Variants in EXO1 observed in about 807,000 individuals in gnomAD.
The protein encoded by EXO1 is exonuclease 1.
EXO1 carries 69 observed loss-of-function variants against 84.5 expected under a neutral mutation model. The observed-to-expected ratio is 0.82, with a 90% confidence interval of 0.67 to 1.00. EXO1 has a LOEUF of 1.00. EXO1 is among the 50% of genes least tolerant of loss of function. EXO1 has a pLI of 0.00. For missense variants in EXO1, 1,045 were observed against 1,000.7 expected (o/e 1.04, Z -0.60); for synonymous variants, 373 against 366.1 (o/e 1.02, Z -0.21).
At position 241,889,613 on chromosome 1, in the gene EXO1, G is replaced by A. The variant is rs774115959; in HGVS notation, c.*13G>A. 21 of 1,613,634 alleles carry A rather than the reference G, an allele frequency of 1.3e-5. No homozygotes were observed. The highest frequency in any genetic ancestry group is 1.7e-5 in the Non-Finnish European group (20 of 1,179,750). ...AATATTCCAGTAAATGCAGACTGCT[G>A]CAAAGCTTTTGCCTGCAAGAGAATC... On this transcript the variant is annotated 3_prime_UTR_variant, in exon 16 of 16. Transcript: ENST00000366548.
In EXO1 at chr1:241,885,370, A is replaced by G. The variant is rs2148538994; in HGVS notation, c.2268A>G (p.Lys756=). Residue 756 remains lysine, a synonymous_variant, in exon 15 of 16, where the codon AAA becomes AAG. Transcript: ENST00000366548. ...SADSLSTTKI[K]PLGPARASGL... ...ACTCTCTTTCTACAACCAAGATCAAACCTCTAGGACCTGCCAGAGCCAGTG... is the reference window on the plus strand; with the variant it reads ...ACTCTCTTTCTACAACCAAGATCAAGCCTCTAGGACCTGCCAGAGCCAGTG... 6.2e-7 allele frequency: 1 copy of G among 1,613,928 alleles called. No individual in the cohort carries two copies. Among genetic ancestry groups the G allele is most frequent in the Non-Finnish European group, 8.5e-7 (1 of 1,179,924 alleles).
intron 14 of EXO1, among the ~76,000 whole-genome samples, chr1:241,882,453 A>G (rs1236901198): frequency 6.6e-6 from 1 of 152,210 alleles, no homozygotes; most frequent in Non-Finnish European, 1.5e-5. Context: ...ACATTGATAC[A>G]TACTGCCAAA....
Position 241,889,897 on chromosome 1 carries a change from G to C in EXO1, c.*297G>C. ...ATAAAAGTCTACTCTAAATATTTCT[G>C]TAATGTTGTCAAGTAGAAAGATAGT... On this transcript the variant is annotated 3_prime_UTR_variant, in exon 16 of 16. Coordinates refer to ENST00000366548, the MANE Select transcript of EXO1 (RefSeq NM_130398.4). 1 of 362,736 alleles carries C rather than the reference G, an allele frequency of 2.8e-6. No individual in the cohort carries two copies. The highest frequency in any genetic ancestry group is 6.4e-5 in the East Asian group (1 of 15,616). The allele number at this position is 362,736 out of a possible 1,614,324, so 22.5% of individuals were successfully genotyped here.
chr1:241,875,436 A>G (rs554751679), intron 12 of EXO1, among the ~76,000 whole-genome samples: 50 of 152,334 alleles, frequency 3.3e-4, no homozygotes, highest in African/African-American at 1.2e-3. Flanking sequence ...CCCTTCTCCC[A>G]TGGAGTCTTC....
At chr1:241,855,902 G>A (rs892304790) in intron 6 of EXO1, among the ~76,000 whole-genome samples, 4 of 152,216 alleles carry the variant, frequency 2.6e-5, no homozygotes, top group Non-Finnish European at 5.9e-5. Flanking sequence ...ACGCCCACCC[G>A]GAACTCCAGC....
chr1:241,854,122 G>T (rs539338958), intron 6 of EXO1, among the ~76,000 whole-genome samples: 1 of 152,170 alleles, frequency 6.6e-6, no homozygotes, highest in South Asian at 2.1e-4. Flanking sequence ...CTTGGTTAAG[G>T]TGTTGTGGTT....
chr1:241,875,411 G>C (rs1776140), intron 12 of EXO1, among the ~76,000 whole-genome samples: 1 of 152,002 alleles, frequency 6.6e-6, no homozygotes, highest in African/African-American at 2.4e-5. Flanking sequence ...GTCTCACCTC[G>C]GGTGATGTTT....
chr1:241,865,870 T>C (rs965529397), intron 10 of EXO1, among the ~76,000 whole-genome samples: 2 of 152,218 alleles, frequency 1.3e-5, no homozygotes, highest in Non-Finnish European at 2.9e-5. Context: ...ACCTTCCTTA[T>C]TAATTCTCAA....
At chr1:241,878,367 CAT>C (rs1558142371) in intron 12 of EXO1, among the ~76,000 whole-genome samples, 3 of 152,020 alleles carry the variant, frequency 2.0e-5, no homozygotes, top group Non-Finnish European at 4.4e-5. Flanking sequence ...CATGGTGGCG[CAT>C]GCCTGTAATC....
intron 15 of EXO1, among the ~76,000 whole-genome samples, chr1:241,889,134 T>C (rs891465951): frequency 1.3e-5 from 2 of 152,130 alleles, no homozygotes; most frequent in African/African-American, 4.8e-5. Flanking sequence ...GCTTCACTTA[T>C]ATTAGTTCTT....
chr1:241,885,003 C>T (rs4149996), intron 14 of EXO1, among the ~76,000 whole-genome samples: 6 of 151,790 alleles, frequency 4.0e-5, no homozygotes, highest in Admixed American at 2.6e-4. Context: ...GTCAGGAGAT[C>T]GAGACCATCC....
chr1:241,862,484 T>C (rs1009516509), intron 10 of EXO1, among the ~76,000 whole-genome samples: 2 of 152,246 alleles, frequency 1.3e-5, no homozygotes, highest in African/African-American at 4.8e-5. Flanking sequence ...GTCTCTGATT[T>C]CCTGTAGCCT....
At chr1:241,856,479 A>G (rs1661046193) in intron 6 of EXO1, among the ~76,000 whole-genome samples, 1 of 152,064 alleles carries the variant, frequency 6.6e-6, no homozygotes, top group Admixed American at 6.5e-5. Flanking sequence ...TGTAAGATAC[A>G]TTATTAGAGG....
In EXO1 at chr1:241,854,847, G is replaced by A. The variant is rs764921455; in HGVS notation, c.405+1366G>A. 25 of 154,770 alleles carry A rather than the reference G, an allele frequency of 1.6e-4. 1 individual carries two copies. The highest frequency in any genetic ancestry group is 6.1e-4 in the South Asian group (3 of 4,886). The allele number at this position is 154,770 out of a possible 1,614,324, so 9.6% of individuals were successfully genotyped here. A position where few individuals can be genotyped will look rare whatever the true frequency, so the allele number is the denominator to read the frequency against. ...TTCCTTCTGATGTTAGGATGTGTTC[G>A]GAGTTTCTTCCTTCTGGTGGGTTCA... On this transcript the variant is annotated intron_variant, in intron 6 of 15. Coordinates refer to ENST00000366548, the MANE Select transcript of EXO1 (RefSeq NM_130398.4).
At chr1:241,866,543 C>T (rs1661739948) in intron 10 of EXO1, among the ~76,000 whole-genome samples, 2 of 147,376 alleles carry the variant, frequency 1.4e-5, no homozygotes, top group East Asian at 3.9e-4. Flanking sequence ...TTTTTTTCTA[C>T]AGCTGCTAGC....
intron 9 of EXO1, among the ~76,000 whole-genome samples, chr1:241,860,995 AG>A (rs1387815804): frequency 6.6e-6 from 1 of 152,218 alleles, no homozygotes; most frequent in African/African-American, 2.4e-5. Context: ...GTGGCTCTTG[AG>A]AGGACCTCCT....
intron 4 of EXO1, among the ~76,000 whole-genome samples, chr1:241,851,244 AC>A (rs1279553160): frequency 6.6e-6 from 1 of 152,222 alleles, no homozygotes; most frequent in African/African-American, 2.4e-5. Flanking sequence ...TAGCAAAAAA[AC>A]AAATGTGTTG....
intron 14 of EXO1, among the ~76,000 whole-genome samples, chr1:241,882,799 A>G (rs1662850837): frequency 2.0e-5 from 3 of 152,174 alleles, no homozygotes; most frequent in Admixed American, 2.0e-4. Context: ...ATATTTCAAA[A>G]AAATGTTTTT....
At chr1:241,864,675 C>T (rs189739858) in intron 10 of EXO1, among the ~76,000 whole-genome samples, 24 of 152,288 alleles carry the variant, frequency 1.6e-4, no homozygotes, top group Non-Finnish European at 2.2e-4. Flanking sequence ...TTGATATTCT[C>T]TTCTGCAGAC....
Sources: gnomAD v4.1 joint callset for allele counts (sites outside exome capture counted in the v4.1 genomes callset) on GRCh38, gnomAD v4.1.1 for gene constraint, MANE v1.5 for transcripts, NCBI Gene and HGNC (gene_info 2026-07-23, HGNC 2026-07-21) for gene names.